The following ITPR3 variants were observed in gnomAD, a reference collection of about 807,000 sequenced individuals.
The protein encoded by ITPR3 is inositol 1,4,5-trisphosphate-gated calcium channel ITPR3.
Under a neutral mutation model 293.2 loss-of-function variants are expected in ITPR3, and 173 were observed. That is an observed-to-expected ratio of 0.59 (90% CI 0.52 to 0.67). The LOEUF (loss-of-function observed/expected upper bound fraction) is 0.67. Among genes scored for constraint, ITPR3 ranks in the 30% least tolerant of loss-of-function variants. ITPR3 has a pLI of 0.00. For synonymous variants in ITPR3, 1,295 were observed against 1,444.4 expected (o/e 0.90, Z 2.35); for missense variants, 2,796 against 3,592.1 (o/e 0.78, Z 5.66).
At chr6:33,694,820 T>C in intron 56 of ITPR3, 104 bp from the exon 57 acceptor site, 1 of 1,422,232 alleles carries the variant, frequency 7.0e-7, no homozygotes, top group South Asian at 1.2e-5. Flanking sequence ...CGAGTAGTTT[T>C]GTTAAGGGTG....
intron 56 of ITPR3, among the ~76,000 whole-genome samples, chr6:33,694,046 C>T (rs1003087390): frequency 1.3e-5 from 2 of 152,146 alleles, no homozygotes; most frequent in Non-Finnish European, 2.9e-5. Context: ...CTGGGCCTGT[C>T]GTGCAGTGAT....
Position 33,670,508 on chromosome 6 carries a change from G to A in ITPR3, c.2373G>A (p.Gln791=). 6.2e-7 allele frequency: 1 copy of A among 1,613,938 alleles called. No individual in the cohort carries two copies. Among genetic ancestry groups the A allele is most frequent in the Non-Finnish European group, 8.5e-7 (1 of 1,180,012 alleles). The part of the protein sequence containing the change: ...MLHVHVDRDP[Q]ELVTPVKFAR... Reference sequence around the variant, plus strand: ...ACGTGCACGTGGACCGTGACCCCCAGGAGCTGGTCACGCCGGTCAAGTTTG... The same window carrying A: ...ACGTGCACGTGGACCGTGACCCCCAAGAGCTGGTCACGCCGGTCAAGTTTG... The change falls in exon 19 of 58, where the codon CAG becomes CAA. Residue 791 remains glutamine (Q), a synonymous_variant. Transcript: ENST00000605930. The surrounding 1 kb of genome is among the most constrained non-coding windows in gnomAD (Gnocchi z 6.7).
chr6:33,622,216 C>G (rs954622937), intron 1 of ITPR3, among the ~76,000 whole-genome samples: 1 of 152,168 alleles, frequency 6.6e-6, no homozygotes, highest in Admixed American at 6.5e-5. Context: ...TCTCAGCCCT[C>G]CCCTTCCAGG....
chr6:33,636,887 C>T (rs962560745), intron 1 of ITPR3, among the ~76,000 whole-genome samples: 1 of 151,986 alleles, frequency 6.6e-6, no homozygotes, highest in African/African-American at 2.4e-5. Context: ...TGCTGGAGGC[C>T]GGGAGAGAAA....
rs368714140 is a variant in ITPR3 at position 33,690,122 on chromosome 6, A to C, written c.6956A>C (p.Glu2319Ala). The C allele has an allele frequency of 6.1e-5, 99 of 1,614,030 alleles. No individual in the cohort carries two copies. Among genetic ancestry groups the C allele is most frequent in the Non-Finnish European group, 8.1e-5 (95 of 1,180,040 alleles). ...TATAAGGCCATGGTCATGGACATGG[A>C]ATTCCTCTACCACGTGGGCTACATC... ...RGYKAMVMDM[E>A]FLYHVGYILT... is the part of the protein sequence containing the mutation. The change falls in exon 51 of 58, where the codon GAA becomes GCA. Residue 2319 changes from glutamate (E) to alanine (A), a missense_variant. Glu to Ala is a moderately radical substitution (Grantham distance 107). Transcript: ENST00000605930.
rs992193104 is a variant in ITPR3, at chr6:33,685,544, T to C, written c.5482+11T>C. 4 of 1,610,120 alleles carry C rather than the reference T, an allele frequency of 2.5e-6. No homozygotes were observed. The African/African-American group carries it at 5.3e-5, about 22-fold the overall frequency. On this transcript the variant is annotated intron_variant, in intron 40 of 57. Transcript: ENST00000605930. Reference sequence around the variant, plus strand: ...ACCCCACCACCAAAGGTCAGGGGTCTGAGGCAGAGGCACGGCGTGACGGGG... The same window carrying C: ...ACCCCACCACCAAAGGTCAGGGGTCCGAGGCAGAGGCACGGCGTGACGGGG...
At chr6:33,640,694 C>T (rs1478182805) in intron 2 of ITPR3, 140 bp downstream of exon 2, 5 of 656,342 alleles carry the variant, frequency 7.6e-6, no homozygotes, top group African/African-American at 1.9e-5. Flanking sequence ...CTGCTGTCGG[C>T]GGAATCCCCC....
chr6:33,688,114 G>A lies in ITPR3; in HGVS notation c.6322G>A (p.Glu2108Lys). Residue 2108 changes from glutamate to lysine, a missense_variant, in exon 47 of 58, where the codon GAG becomes AAG. Around this residue, in one of 8 missense-constraint regions of ITPR3, gnomAD observed 568 missense variants for 796.1 expected, o/e 0.71. Coordinates refer to ENST00000605930, the MANE Select transcript of ITPR3 (RefSeq NM_002224.4). ...GCTCAAGTCCTCAGCGCCAGCACAGGAGGAGGAGGAAGACCCCCTGGCCTA... is the reference window on the plus strand; with the variant it reads ...GCTCAAGTCCTCAGCGCCAGCACAGAAGGAGGAGGAAGACCCCCTGGCCTA... ...QMLKSSAPAQ[E>K]EEEDPLAYYE... 1 of 1,610,716 alleles carries A rather than the reference G, an allele frequency of 6.2e-7. No homozygotes were observed. Among genetic ancestry groups the A allele is most frequent in the Non-Finnish European group, 8.5e-7 (1 of 1,176,980 alleles).
intron 1 of ITPR3, among the ~76,000 whole-genome samples, chr6:33,634,254 G>A (rs1763763837): frequency 1.3e-5 from 2 of 152,108 alleles, no homozygotes; most frequent in African/African-American, 4.8e-5. Flanking sequence ...ACACCAGGTG[G>A]GGGCTGCGCT....
At position 33,683,079 on chromosome 6, in the gene ITPR3, G is replaced by A; in HGVS notation, c.4598-128G>A. 1.6e-6 allele frequency: 1 copy of A among 633,888 alleles called. No homozygotes were observed. The highest frequency in any genetic ancestry group is 2.5e-6 in the Non-Finnish European group (1 of 399,532). The allele number at this position is 633,888 out of a possible 1,614,324, so 39.3% of individuals were successfully genotyped here. On this transcript the variant is annotated intron_variant, in intron 34 of 57. Transcript: ENST00000605930. This position sits in a 1 kb window ranked among gnomAD's most constrained non-coding sequence, Gnocchi z 4.5. ...CCTCAAGCATAGGCCGGGGTGGGGG[G>A]GGTCTCTGTCTCCCAGACCCTTGGT...
intron 3 of ITPR3, 78 bp from the exon 4 acceptor site, chr6:33,657,854 C>T: frequency 8.8e-7 from 1 of 1,141,582 alleles, no homozygotes; most frequent in South Asian, 1.3e-5. Context: ...TGTGTGCGTG[C>T]ATGTGTGGGG....
chr6:33,691,840 C>T lies in ITPR3; in HGVS notation c.7370C>T (p.Thr2457Ile), dbSNP rs375454990. Residue 2457 changes from threonine to isoleucine, a missense_variant, in exon 54 of 58, where the codon ACT (threonine) becomes ATT (isoleucine). This residue lies in a region of ITPR3 where 568 missense variants were observed against 796.1 expected (regional missense o/e 0.71). Transcript: ENST00000605930. The surrounding 1 kb of genome is among the most constrained non-coding windows in gnomAD (Gnocchi z 4.9). ...GACAGCACAGAGCGGGCCTGTGACA[C>T]TCTGTTGATGTGCATCGTCACTGTC... The part of the protein sequence containing the change: ...ELDSTERACD[T>I]LLMCIVTVMN... 7 of 1,613,980 alleles carry T rather than the reference C, an allele frequency of 4.3e-6. No homozygotes were observed. In the African/African-American group the frequency reaches 8.0e-5, roughly 18 times the overall value.
chr6:33,677,160 C>A, intron 27 of ITPR3, 71 bp downstream of exon 27: 1 of 1,360,014 alleles, frequency 7.4e-7, no homozygotes, highest in Non-Finnish European at 1.0e-6. Context: ...GCTGGCCCGG[C>A]CCCCTGTGCC....
At position 33,680,076 on chromosome 6, in the gene ITPR3, C is replaced by T. The variant is rs111882381; in HGVS notation, c.4167C>T (p.Ser1389=). The stretch of plus-strand genomic sequence containing the variant: ...TCTACACTGAGATCAAGTGCACCTC[C>T]CTGCTGCCGCTGGAGGACGTGGTGT... ...KNVYTEIKCT[S]LLPLEDVVSV... is the part of the protein sequence containing the mutation. Residue 1389 remains serine, a synonymous_variant, in exon 31 of 58, where the codon TCC becomes TCT. Transcript: ENST00000605930. 5.1e-3 allele frequency: 8,168 copies of T among 1,613,718 alleles called. 186 individuals carry two copies. In the African/African-American group the frequency reaches 0.067, roughly 13 times the overall value.
At chr6:33,641,036 C>T (rs895816902) in intron 2 of ITPR3, among the ~76,000 whole-genome samples, 1 of 152,106 alleles carries the variant, frequency 6.6e-6, no homozygotes, top group Non-Finnish European at 1.5e-5. Context: ...GTGTGTGAGT[C>T]CTGCCCTGCA....
intron 1 of ITPR3, among the ~76,000 whole-genome samples, chr6:33,623,266 G>T (rs115743807): frequency 1.2e-4 from 18 of 149,808 alleles, no homozygotes; most frequent in South Asian, 2.1e-4. Context: ...GACCACCTCT[G>T]TTGCTTAGTG....
chr6:33,671,019 C>T (rs1356206717), intron 20 of ITPR3, 146 bp from the exon 21 acceptor site: 1 of 1,406,294 alleles, frequency 7.1e-7, no homozygotes, highest in Non-Finnish European at 9.7e-7. Context: ...AGGGCTGCCT[C>T]TCCCTGCTCC....
intron 20 of ITPR3, 92 bp from the exon 21 acceptor site, chr6:33,671,073 C>T: frequency 6.4e-7 from 1 of 1,562,360 alleles, no homozygotes; most frequent in Admixed American, 1.8e-5. Context: ...CCCCTTTCGC[C>T]CTAGTTTCCC....
rs1764254012 is a variant in ITPR3 at position 33,654,119 on chromosome 6, T to G, written c.161-1647T>G. Among the ~76,000 whole-genome samples the G allele has an allele frequency of 6.6e-6, 1 of 151,884 alleles. No homozygotes were observed. Among genetic ancestry groups the G allele is most frequent in the African/African-American group, 2.4e-5 (1 of 41,350 alleles). ...CCCGTCTCTACTAAAAATACAAAAA[T>G]TAGCCAGGCATGGTGGTGCATGCCT... On this transcript the variant is annotated intron_variant, in intron 2 of 57. Transcript: ENST00000605930. This position sits in a 1 kb window ranked among gnomAD's most constrained non-coding sequence, Gnocchi z 4.1.
Sources: gnomAD v4.1 joint callset for allele counts (sites outside exome capture counted in the v4.1 genomes callset) on GRCh38, gnomAD v4.1.1 for gene constraint, gnomAD v4.1.1 regional missense constraint, Gnocchi (gnomAD v3.1) non-coding constraint, MANE v1.5 for transcripts, NCBI Gene and HGNC (gene_info 2026-07-23, HGNC 2026-07-21) for gene names.